AGTPBP1: variants seen among roughly 807,000 people sequenced by gnomAD.
AGTPBP1 encodes the protein cytosolic carboxypeptidase 1.
AGTPBP1 carries 70 observed loss-of-function variants against 143.9 expected under a neutral mutation model. The ratio of observed to expected loss-of-function variants is 0.49; its 90% CI spans 0.40 to 0.59. The LOEUF (loss-of-function observed/expected upper bound fraction) is 0.59. Ranked by LOEUF, AGTPBP1 falls within the 20% of genes least tolerant of loss-of-function variation. The pLI is 0.00. For missense variants in AGTPBP1, 1,229 were observed against 1,464.5 expected, an observed-to-expected ratio of 0.84 and a Z score of 2.62; for synonymous variants, 463 against 500.2, an observed-to-expected ratio of 0.93 and a Z score of 0.99.
chr9:85,730,188 C>T (rs188315347), intron 1 of AGTPBP1, among the ~76,000 whole-genome samples: 1 of 152,310 alleles, frequency 6.6e-6, no homozygotes, highest in Admixed American at 6.5e-5. Flanking sequence ...TTCCTTAAAG[C>T]TCAACCTATG....
intron 1 of AGTPBP1, among the ~76,000 whole-genome samples, chr9:85,722,880 G>T (rs901291669): frequency 1.1e-4 from 17 of 151,930 alleles, no homozygotes; most frequent in South Asian, 2.1e-4. Context: ...CTTTTTTTTT[G>T]ATGTTGATGC....
At chr9:85,551,382 T>C (rs918249993) in intron 25 of AGTPBP1, among the ~76,000 whole-genome samples, 2 of 152,208 alleles carry the variant, frequency 1.3e-5, no homozygotes, top group African/African-American at 4.8e-5. Context: ...GGAATATGTG[T>C]CCCTTCTCTA....
chr9:85,620,525 A>G (rs573824730), intron 15 of AGTPBP1, among the ~76,000 whole-genome samples: 80 of 152,152 alleles, frequency 5.3e-4, no homozygotes, highest in Non-Finnish European at 5.7e-4. Context: ...AAAGCCACTG[A>G]GGGCTAATTG....
At chr9:85,591,103 A>T (rs1489398054) in intron 19 of AGTPBP1, among the ~76,000 whole-genome samples, 1 of 152,012 alleles carries the variant, frequency 6.6e-6, no homozygotes, top group East Asian at 1.9e-4. Flanking sequence ...GAGGATGAGG[A>T]TACACTTTAA....
rs1835168045 is a variant in AGTPBP1 at position 85,681,429 on chromosome 9, C to T, written c.158-94G>A. 7.2e-6 allele frequency: 7 copies of T among 975,920 alleles called. No individual in the cohort carries two copies. In the Admixed American group the frequency reaches 7.2e-5, roughly 10 times the overall value. 60.5% of individuals were successfully genotyped at this position (975,920 alleles called of 1,614,324 possible). ...TAGCTAATAAAGATTCAACAAGTCTCCACTGGTACAGTAAACACTCTAACT... is the reference window on the plus strand; with the variant it reads ...TAGCTAATAAAGATTCAACAAGTCTTCACTGGTACAGTAAACACTCTAACT... On this transcript the variant is annotated intron_variant, in intron 3 of 25. Transcript: ENST00000357081.
intron 20 of AGTPBP1, among the ~76,000 whole-genome samples, chr9:85,588,979 ATCAT>A (rs1828784778): frequency 6.6e-6 from 1 of 152,130 alleles, no homozygotes; most frequent in Admixed American, 6.6e-5. Context: ...CTACAAAATA[ATCAT>A]TCAGCTTACC....
intron 7 of AGTPBP1, among the ~76,000 whole-genome samples, chr9:85,671,474 C>T (rs941524774): frequency 6.6e-6 from 1 of 151,804 alleles, no homozygotes; most frequent in Non-Finnish European, 1.5e-5. Context: ...CAGAGCACAC[C>T]TTTAGCCATA....
At chr9:85,789,459 C>G in the AGTPBP1 span, among the ~76,000 whole-genome samples, 1 of 151,412 alleles carries the variant, frequency 6.6e-6, no homozygotes, top group East Asian at 1.9e-4. Context: ...TTCTTTTTTC[C>G]TCTAACTGTA....
At chr9:85,683,090 C>CATATCAAAA (rs1835288826) in intron 3 of AGTPBP1, among the ~76,000 whole-genome samples, 1 of 152,082 alleles carries the variant, frequency 6.6e-6, no homozygotes, top group Non-Finnish European at 1.5e-5. Flanking sequence ...ACAGAAACTC[C>CATATCAAAA]CGTAAGTGAT....
chr9:85,758,373 G>A, the AGTPBP1 span, among the ~76,000 whole-genome samples: 727 of 152,230 alleles, frequency 4.8e-3, 5 homozygotes, highest in South Asian at 0.012. Flanking sequence ...GGCAGGGCGC[G>A]GTGGCTCACA....
chr9:85,707,844 A>G (rs62570568), intron 2 of AGTPBP1, among the ~76,000 whole-genome samples: 2,243 of 151,856 alleles, frequency 0.015, 24 homozygotes, highest in Middle Eastern at 0.037. Flanking sequence ...GTTCTCACTC[A>G]TAAGTGGCAG....
the AGTPBP1 span, among the ~76,000 whole-genome samples, chr9:85,769,260 C>G: frequency 6.6e-6 from 1 of 152,050 alleles, no homozygotes; most frequent in South Asian, 2.1e-4. Flanking sequence ...GATAGTCTGC[C>G]ACAGGAACTT....
At chr9:85,621,156 T>C (rs747427855) in intron 15 of AGTPBP1, 46 bp downstream of exon 15, 1 of 1,112,832 alleles carries the variant, frequency 9.0e-7, no homozygotes, top group Non-Finnish European at 1.2e-6. Flanking sequence ...TAAAATTTTA[T>C]AGAAAAACTT....
the AGTPBP1 span, among the ~76,000 whole-genome samples, chr9:85,805,107 T>C: frequency 9.8e-5 from 15 of 152,304 alleles, 1 homozygote; most frequent in South Asian, 1.7e-3. Context: ...GTGAGGCGTT[T>C]GGACCCTGCC....
intron 13 of AGTPBP1, among the ~76,000 whole-genome samples, chr9:85,634,292 C>T (rs1831890036): frequency 6.6e-6 from 1 of 151,516 alleles, no homozygotes; most frequent in South Asian, 2.1e-4. Context: ...CTCTAAATGC[C>T]ATTTGTTAAG....
At chr9:85,686,146 A>T (rs1835471872) in intron 3 of AGTPBP1, among the ~76,000 whole-genome samples, 1 of 152,128 alleles carries the variant, frequency 6.6e-6, no homozygotes, top group South Asian at 2.1e-4. Context: ...TGCTCAAATT[A>T]AACACTCAGA....
chr9:85,659,010 T>C (rs1833699070), intron 9 of AGTPBP1, among the ~76,000 whole-genome samples: 1 of 152,208 alleles, frequency 6.6e-6, no homozygotes, highest in Non-Finnish European at 1.5e-5. Flanking sequence ...AAAGCCATTA[T>C]GATCATTCTA....
At chr9:85,574,734 AG>A (rs1260004681) in intron 25 of AGTPBP1, among the ~76,000 whole-genome samples, 1 of 149,880 alleles carries the variant, frequency 6.7e-6, no homozygotes, top group Admixed American at 6.6e-5. Flanking sequence ...TTGGAGATAG[AG>A]TCTCCCTCTG....
rs34698411 is a variant in AGTPBP1, at chr9:85,579,581, T to TTGTG, written c.3166-489_3166-486dup. Among the ~76,000 whole-genome samples, 274 of 143,974 alleles carry TTGTG rather than the reference T, an allele frequency of 1.9e-3. 1 individual carries two copies. Among genetic ancestry groups the TTGTG allele is most frequent in the East Asian group, 0.013 (61 of 4,834 alleles). 94.5% of individuals were successfully genotyped at this position (143,974 alleles called of 152,430 possible). A position where few individuals can be genotyped will look rare whatever the true frequency, so the allele number is the denominator to read the frequency against. On this transcript the variant is annotated intron_variant, in intron 23 of 25. Transcript: ENST00000357081. ...AAATATAGAAGTATACCCTGAGAAA[T>TTGTG]TGTGTGTGTGTGTGTGTGTGGGGCG...
Sources: allele counts gnomAD v4.1 joint callset (sites outside exome capture counted in the v4.1 genomes callset), GRCh38; gene constraint gnomAD v4.1.1; transcripts MANE v1.5; gene names NCBI Gene and HGNC (gene_info 2026-07-23, HGNC 2026-07-21).